The following IL1RAPL2 variants were observed in gnomAD, a reference collection of about 807,000 sequenced individuals.
IL1RAPL2 encodes the protein X-linked interleukin-1 receptor accessory protein-like 2.
Under a neutral mutation model 44.1 loss-of-function variants are expected in IL1RAPL2, and 3 were observed. The observed-to-expected ratio is 0.07, with a 90% confidence interval of 0.03 to 0.18. The LOEUF (loss-of-function observed/expected upper bound fraction) is 0.18, where lower values mean the gene tolerates loss of function less well. IL1RAPL2 is among the 10% of genes least tolerant of loss of function. IL1RAPL2 has a pLI of 1.00. For synonymous variants in IL1RAPL2, 181 were observed against 178.8 expected (o/e 1.01, Z -0.10); for missense variants, 391 against 496.4 (o/e 0.79, Z 2.02).
Position 105,030,342 on chromosome X carries a change from T to A in IL1RAPL2, c.83-165133T>A, listed in dbSNP as rs964285111. 1.5e-4 allele frequency among the ~76,000 whole-genome samples: 17 copies of A among 111,288 alleles called. No individual in the cohort carries two copies. The South Asian group carries it at 1.9e-3, about 12-fold the overall frequency. ...GCCCATGCCTATGTCCTGAATGGTA[T>A]TGCCTAGGTTTTCTTCTAGGGTTTT... On this transcript the variant is annotated intron_variant, in intron 2 of 10. Transcript: ENST00000372582.
intron 2 of IL1RAPL2, among the ~76,000 whole-genome samples, chrX:105,049,163 T>C (rs1448100946): frequency 1.0e-5 from 1 of 96,091 alleles, no homozygotes; most frequent in Non-Finnish European, 1.9e-5. Flanking sequence ...TACTTATGGT[T>C]TTTTTTTTTT....
chrX:104,910,095 G>T (rs777184808), intron 2 of IL1RAPL2, among the ~76,000 whole-genome samples: 26 of 112,371 alleles, frequency 2.3e-4, no homozygotes, highest in African/African-American at 8.4e-4. Flanking sequence ...CGCAGTATTC[G>T]GTTGGGAGTG....
chrX:104,849,355 A>AATATATATATATAT lies in IL1RAPL2; in HGVS notation c.82+190372_82+190373insATATATATATATAT, dbSNP rs375364495. Among the ~76,000 whole-genome samples the AATATATATATATAT allele has an allele frequency of 4.3e-3, 297 of 68,685 alleles. 26 individuals carry two copies. The highest frequency in any genetic ancestry group is 0.015 in the African/African-American group (287 of 18,892). The allele number at this position is 68,685 out of a possible 115,157, so 59.6% of individuals were successfully genotyped here. The stretch of plus-strand genomic sequence containing the variant: ...GTGAGCCACCATGCTTGAACTATAT[A>AATATATATATATAT]ATATATATATATGGATTACTTACGG... On this transcript the variant is annotated intron_variant, in intron 2 of 10. Coordinates refer to ENST00000372582, the MANE Select transcript of IL1RAPL2 (RefSeq NM_017416.2).
At chrX:105,073,943 C>T (rs1379067831) in intron 2 of IL1RAPL2, among the ~76,000 whole-genome samples, 1 of 110,842 alleles carries the variant, frequency 9.0e-6, no homozygotes, top group Non-Finnish European at 1.9e-5. Context: ...GGATATTAGC[C>T]CTTTGTCCAA....
At chrX:104,723,096 G>A (rs947871883) in intron 2 of IL1RAPL2, among the ~76,000 whole-genome samples, 4 of 110,646 alleles carry the variant, frequency 3.6e-5, no homozygotes, top group Non-Finnish European at 7.6e-5. Context: ...AGGCATTTCA[G>A]TTATTTGCAG....
chrX:104,721,805 A>G (rs1931682610), intron 2 of IL1RAPL2, among the ~76,000 whole-genome samples: 2 of 111,984 alleles, frequency 1.8e-5, no homozygotes, highest in Non-Finnish European at 3.8e-5. Context: ...CATTCTCAAT[A>G]TATTATTGAC....
chrX:105,407,833 C>A (rs1004057681), intron 5 of IL1RAPL2, among the ~76,000 whole-genome samples: 1 of 111,893 alleles, frequency 8.9e-6, no homozygotes, highest in Non-Finnish European at 1.9e-5. Flanking sequence ...TAGGCAAGTT[C>A]CACTCAACAC....
intron 6 of IL1RAPL2, among the ~76,000 whole-genome samples, chrX:105,529,479 A>G (rs1217257580): frequency 9.0e-6 from 1 of 111,021 alleles, no homozygotes; most frequent in Non-Finnish European, 1.9e-5. Flanking sequence ...TCTTATATGA[A>G]AAGGAATTAC....
At chrX:104,932,088 T>A in intron 2 of IL1RAPL2, among the ~76,000 whole-genome samples, 1 of 105,593 alleles carries the variant, frequency 9.5e-6, no homozygotes, top group East Asian at 3.0e-4. Flanking sequence ...GCCTCCCAGG[T>A]TCAAGTGGTT....
chrX:104,642,017 G>T (rs749176501), intron 1 of IL1RAPL2, among the ~76,000 whole-genome samples: 41 of 111,396 alleles, frequency 3.7e-4, no homozygotes, highest in Non-Finnish European at 7.3e-4. Flanking sequence ...GTTTGGCAGG[G>T]GGTCAAGGGG....
chrX:105,293,134 AAGAGT>A (rs2034627784), intron 5 of IL1RAPL2, among the ~76,000 whole-genome samples: 1 of 108,395 alleles, frequency 9.2e-6, no homozygotes, highest in Admixed American at 9.9e-5. Flanking sequence ...AAAAAAAAAA[AAGAGT>A]GAAAGCAGTC....
At chrX:104,918,196 G>T (rs1464477938) in intron 2 of IL1RAPL2, among the ~76,000 whole-genome samples, 1 of 111,417 alleles carries the variant, frequency 9.0e-6, no homozygotes, top group Non-Finnish European at 1.9e-5. Flanking sequence ...TTTATTTCTG[G>T]TTGGTAACCT....
chrX:105,462,821 C>A (rs1453986809), intron 5 of IL1RAPL2, among the ~76,000 whole-genome samples: 1 of 110,766 alleles, frequency 9.0e-6, no homozygotes, highest in Admixed American at 9.7e-5. Context: ...AGGTTAAATT[C>A]TTCTTCCCCA....
intron 2 of IL1RAPL2, among the ~76,000 whole-genome samples, chrX:104,987,357 C>G (rs1251263536): frequency 9.4e-6 from 1 of 106,109 alleles, no homozygotes; most frequent in African/African-American, 3.5e-5. Context: ...ATGTCAGTAA[C>G]TTATTTATTT....
At chrX:105,116,073 C>G (rs1483651385) in intron 2 of IL1RAPL2, among the ~76,000 whole-genome samples, 12 of 103,771 alleles carry the variant, frequency 1.2e-4, no homozygotes, top group African/African-American at 4.2e-4. Context: ...AGCCCTGGTT[C>G]CCGCCTGCGC....
Position 105,267,489 on chromosome X carries a change from A to G in IL1RAPL2, c.645A>G (p.Glu215=), listed in dbSNP as rs1211200252. 1 of 1,196,400 alleles carries G rather than the reference A, an allele frequency of 8.4e-7. No individual in the cohort carries two copies. The highest frequency in any genetic ancestry group is 1.1e-6 in the Non-Finnish European group (1 of 885,523). The change falls in exon 5 of 11, where the codon GAA becomes GAG. Residue 215 remains glutamate (E), a synonymous_variant. Transcript: ENST00000372582. ...QEEDGGNYTC[E]LKYEGKLVRR... ...AAGATGGAGGAAATTACACATGTGA[A>G]CTTAAATATGAAGGAAAACTTGTAA...
chrX:105,393,123 T>TA (rs1251399173), intron 5 of IL1RAPL2, among the ~76,000 whole-genome samples: 1 of 111,641 alleles, frequency 9.0e-6, no homozygotes, highest in Non-Finnish European at 1.9e-5. Flanking sequence ...CTCAAATCAG[T>TA]CCCCCTGAAG....
chrX:105,213,070 TCTC>T (rs2036067435), intron 3 of IL1RAPL2, among the ~76,000 whole-genome samples: 1 of 110,438 alleles, frequency 9.1e-6, no homozygotes. Flanking sequence ...GAATTCCTCT[TCTC>T]CAAGTGATTG....
chrX:105,120,291 A>G (rs1371269128), intron 2 of IL1RAPL2, among the ~76,000 whole-genome samples: 1 of 108,800 alleles, frequency 9.2e-6, no homozygotes, highest in Non-Finnish European at 1.9e-5. Flanking sequence ...CTCAAGAAAT[A>G]TTTGTGTCTC....
Sources: allele counts gnomAD v4.1 joint callset (sites outside exome capture counted in the v4.1 genomes callset), GRCh38; gene constraint gnomAD v4.1.1; transcripts MANE v1.5; gene names NCBI Gene and HGNC (gene_info 2026-07-23, HGNC 2026-07-21).